PARD3: variants seen among roughly 807,000 people sequenced by gnomAD.
PARD3 encodes par-3 family cell polarity regulator, also known as partitioning defective 3 homolog.
Under a neutral mutation model 155.4 loss-of-function variants are expected in PARD3, and 75 were observed. That is an observed-to-expected ratio of 0.48 (90% CI 0.40 to 0.58). The LOEUF (loss-of-function observed/expected upper bound fraction) is 0.58, where lower values mean the gene tolerates loss of function less well. Ranked by LOEUF, PARD3 falls within the 20% of genes least tolerant of loss-of-function variation. The pLI is 0.00. For synonymous variants in PARD3, 576 were observed against 610.5 expected, an observed-to-expected ratio of 0.94 and a Z score of 0.83; for missense variants, 1,642 against 1,721.7, an observed-to-expected ratio of 0.95 and a Z score of 0.82.
In PARD3 at chr10:34,345,679, T is replaced by C. The variant is rs1046796217; in HGVS notation, c.2218+2286A>G. On this transcript the variant is annotated intron_variant, in intron 15 of 24. Coordinates refer to ENST00000374788, the MANE Select transcript of PARD3 (RefSeq NM_001184785.2). ...AATTCATGACTCAGAAAAACATAAA[T>C]CCGAATTTTGGTTCAGAAACGGTGT... 10 of 985,276 alleles carry C rather than the reference T, an allele frequency of 1.0e-5. No homozygotes were observed. The South Asian group carries it at 4.7e-4, about 46-fold the overall frequency. The allele number at this position is 985,276 out of a possible 1,614,324, so 61.0% of individuals were successfully genotyped here.
At chr10:34,691,798 A>C (rs2094067046) in intron 2 of PARD3, among the ~76,000 whole-genome samples, 1 of 119,686 alleles carries the variant, frequency 8.4e-6, no homozygotes, top group East Asian at 2.7e-4. Context: ...CACACCTACA[A>C]CCATCTATCT....
chr10:34,501,780 A>G (rs141863400), intron 3 of PARD3, among the ~76,000 whole-genome samples: 91 of 151,894 alleles, frequency 6.0e-4, no homozygotes, highest in African/African-American at 2.1e-3. Context: ...AGAACCTGCC[A>G]TGTTACCTTA....
intron 22 of PARD3, among the ~76,000 whole-genome samples, chr10:34,187,966 C>T (rs534591084): frequency 7.2e-5 from 11 of 152,212 alleles, no homozygotes; most frequent in Non-Finnish European, 1.0e-4. Flanking sequence ...AATATGGCTG[C>T]GGAGGAACGT....
intron 4 of PARD3, among the ~76,000 whole-genome samples, chr10:34,464,809 T>C (rs1057029292): frequency 2.0e-5 from 3 of 152,168 alleles, no homozygotes; most frequent in Non-Finnish European, 2.9e-5. Context: ...GTAATAAGAA[T>C]AGCCAACATC....
intron 2 of PARD3, among the ~76,000 whole-genome samples, chr10:34,543,737 G>A (rs1219672570): frequency 6.6e-6 from 1 of 152,160 alleles, no homozygotes; most frequent in African/African-American, 2.4e-5. Context: ...AGAAAAGTGG[G>A]TATGTGCACT....
intron 2 of PARD3, among the ~76,000 whole-genome samples, chr10:34,585,535 T>C (rs568672635): frequency 1.4e-4 from 20 of 141,332 alleles, no homozygotes; most frequent in Non-Finnish European, 2.0e-4. Context: ...TTCTTTTTTT[T>C]TCTTTTTCTT....
intron 9 of PARD3, 136 bp downstream of exon 9, chr10:34,382,404 C>A: frequency 1.1e-5 from 9 of 805,678 alleles, no homozygotes; most frequent in Non-Finnish European, 1.6e-5. Flanking sequence ...TCTATCAGTT[C>A]TTTCACAAAA....
chr10:34,386,359 C>T (rs1191411565), intron 7 of PARD3, among the ~76,000 whole-genome samples: 1 of 152,136 alleles, frequency 6.6e-6, no homozygotes, highest in Non-Finnish European at 1.5e-5. Flanking sequence ...GATTTATCTT[C>T]AGGAGCAACT....
At chr10:34,590,382 T>C (rs1036832718) in intron 2 of PARD3, among the ~76,000 whole-genome samples, 2 of 152,216 alleles carry the variant, frequency 1.3e-5, no homozygotes, top group Non-Finnish European at 2.9e-5. Context: ...CTCCTTTTGT[T>C]TTCCCCTACT....
At chr10:34,423,542 G>A (rs2075429444) in intron 5 of PARD3, among the ~76,000 whole-genome samples, 1 of 152,124 alleles carries the variant, frequency 6.6e-6, no homozygotes, top group Non-Finnish European at 1.5e-5. Context: ...ATTCCATAAT[G>A]TATATATTTC....
At chr10:34,258,928 G>A (rs1420960643) in intron 22 of PARD3, among the ~76,000 whole-genome samples, 2 of 151,984 alleles carry the variant, frequency 1.3e-5, no homozygotes, top group African/African-American at 4.8e-5. Context: ...AATTAGCTGG[G>A]CATGGTGGCA....
chr10:34,483,437 A>T (rs1355530968), intron 3 of PARD3, among the ~76,000 whole-genome samples: 1 of 147,132 alleles, frequency 6.8e-6, no homozygotes, highest in Admixed American at 6.8e-5. Context: ...AGCCCATTTC[A>T]TGCCACTGCA....
intron 2 of PARD3, among the ~76,000 whole-genome samples, chr10:34,565,268 T>G (rs1590039698): frequency 8.0e-6 from 1 of 125,740 alleles, no homozygotes; most frequent in East Asian, 2.2e-4. Context: ...GGCTTTTTTT[T>G]TTTTTTTTTT....
At chr10:34,621,364 T>C (rs572808229) in intron 2 of PARD3, among the ~76,000 whole-genome samples, 4 of 151,978 alleles carry the variant, frequency 2.6e-5, no homozygotes, top group South Asian at 2.1e-4. Flanking sequence ...GCCCGGCTAA[T>C]TTTTGTATTT....
chr10:34,355,736 G>T (rs540616111), intron 14 of PARD3, among the ~76,000 whole-genome samples: 2 of 151,928 alleles, frequency 1.3e-5, no homozygotes, highest in African/African-American at 4.8e-5. Flanking sequence ...AGACCAGCCT[G>T]ACCAACATGG....
At chr10:34,114,988 A>G (rs1462423770) in intron 24 of PARD3, among the ~76,000 whole-genome samples, 1 of 151,736 alleles carries the variant, frequency 6.6e-6, no homozygotes, top group Non-Finnish European at 1.5e-5. Context: ...ACTATCACCT[A>G]AAGATTATCA....
chr10:34,783,449 A>T (rs1840514571), intron 1 of PARD3, among the ~76,000 whole-genome samples: 1 of 151,784 alleles, frequency 6.6e-6, no homozygotes, highest in Non-Finnish European at 1.5e-5. Context: ...CTAAAAATAC[A>T]AAAAATTAGC....
intron 3 of PARD3, among the ~76,000 whole-genome samples, chr10:34,506,245 A>G (rs1056127184): frequency 1.3e-5 from 2 of 152,220 alleles, no homozygotes; most frequent in Admixed American, 6.5e-5. Flanking sequence ...TTGAGGGGTA[A>G]TAAGTACTCA....
intron 2 of PARD3, among the ~76,000 whole-genome samples, chr10:34,691,279 A>C (rs985774953): frequency 3.9e-5 from 6 of 152,216 alleles, no homozygotes; most frequent in Non-Finnish European, 5.9e-5. Context: ...AAAAATCAGT[A>C]GCATTCCTAC....
Sources: gnomAD v4.1 joint callset for allele counts (sites outside exome capture counted in the v4.1 genomes callset) on GRCh38, gnomAD v4.1.1 for gene constraint, MANE v1.5 for transcripts, NCBI Gene and HGNC (gene_info 2026-07-23, HGNC 2026-07-21) for gene names.